Variants in WASF3 observed in about 807,000 individuals in gnomAD.
WASF3 encodes the protein WASP family member 3, also known as actin-binding protein WASF3.
In WASF3, 11 loss-of-function variants were observed where a neutral mutation model predicts 46.6. The observed-to-expected ratio is 0.24, with a 90% CI of 0.15 to 0.39. WASF3 has a LOEUF of 0.39. WASF3 is among the 10% of genes least tolerant of loss of function. WASF3 has a pLI of 1.00. For missense variants in WASF3, 576 were observed against 669.8 expected (o/e 0.86, Z 1.55); for synonymous variants, 242 against 259.7 (o/e 0.93, Z 0.65).
chr13:26,560,114 C>T (rs1015928440), intron 1 of WASF3, among the ~76,000 whole-genome samples: 4 of 151,994 alleles, frequency 2.6e-5, no homozygotes, highest in Non-Finnish European at 5.9e-5. Context: ...CCACCGCTCC[C>T]GGCCGAATCT....
intron 1 of WASF3, among the ~76,000 whole-genome samples, chr13:26,574,400 G>A (rs1332271027): frequency 6.6e-6 from 1 of 151,722 alleles, no homozygotes; most frequent in African/African-American, 2.4e-5. Flanking sequence ...AATGTATTCT[G>A]CATTGTGAAA....
At chr13:26,611,388 A>G (rs1036638847) in intron 1 of WASF3, among the ~76,000 whole-genome samples, 4 of 152,250 alleles carry the variant, frequency 2.6e-5, no homozygotes, top group African/African-American at 7.2e-5. Context: ...TAATAAGTCC[A>G]TAGCCTTTCA....
At chr13:26,582,676 CAAAAAA>C (rs398022033) in intron 1 of WASF3, among the ~76,000 whole-genome samples, 4 of 53,400 alleles carry the variant, frequency 7.5e-5, no homozygotes, top group Admixed American at 6.3e-4. Context: ...GACTCCGTCT[CAAAAAA>C]AAAAAAAAAA....
At chr13:26,656,739 G>A (rs775677988) in intron 3 of WASF3, among the ~76,000 whole-genome samples, 24 of 151,652 alleles carry the variant, frequency 1.6e-4, no homozygotes, top group Non-Finnish European at 2.8e-4. Context: ...TGTTTTCTCC[G>A]ATCTGTAACT....
At chr13:26,572,754 T>C (rs113262509) in intron 1 of WASF3, among the ~76,000 whole-genome samples, 2,819 of 152,236 alleles carry the variant, frequency 0.019, 84 homozygotes, top group African/African-American at 0.063. Context: ...GGTTTCACCA[T>C]GTTGGCCAGG....
At chr13:26,654,467 A>G (rs1170132546) in intron 3 of WASF3, among the ~76,000 whole-genome samples, 1 of 152,014 alleles carries the variant, frequency 6.6e-6, no homozygotes, top group Non-Finnish European at 1.5e-5. Flanking sequence ...TTGCTTGTTT[A>G]TTGTCTGTTT....
In WASF3 at chr13:26,681,215, C is replaced by A; in HGVS notation, c.878C>A (p.Ala293Glu). 6.2e-7 allele frequency: 1 copy of A among 1,614,002 alleles called. No homozygotes were observed. Among genetic ancestry groups the A allele is most frequent in the African/African-American group, 1.3e-5 (1 of 75,010 alleles). The change falls in exon 8 of 10, where the codon GCG becomes GAG. Residue 293 changes from alanine (A) to glutamate (E), a missense_variant. Transcript: ENST00000335327. The stretch of plus-strand genomic sequence containing the variant: ...GAGTACCGGCCCCCATCTGCCTCGG[C>A]GAGGCACATGGCCCTCAACAGACCT... ...EHEYRPPSAS[A>E]RHMALNRPQQ...
chr13:26,674,499 T>C (rs1883007053), intron 6 of WASF3, among the ~76,000 whole-genome samples: 2 of 152,180 alleles, frequency 1.3e-5, no homozygotes, highest in Admixed American at 6.5e-5. Flanking sequence ...CTAGCCACGG[T>C]TAACAGCTTG....
intron 1 of WASF3, among the ~76,000 whole-genome samples, chr13:26,565,709 T>C (rs1442030067): frequency 6.6e-6 from 1 of 152,218 alleles, no homozygotes; most frequent in East Asian, 1.9e-4. Flanking sequence ...AGAATGTGAA[T>C]TGTTCTTTGA....
At chr13:26,660,134 T>C (rs1882580834) in intron 3 of WASF3, among the ~76,000 whole-genome samples, 1 of 151,328 alleles carries the variant, frequency 6.6e-6, no homozygotes, top group Admixed American at 6.6e-5. Context: ...AGTGGAGTTT[T>C]TGGAAATATT....
chr13:26,603,101 A>G (rs1566047733), intron 1 of WASF3, among the ~76,000 whole-genome samples: 1 of 152,176 alleles, frequency 6.6e-6, no homozygotes, highest in Non-Finnish European at 1.5e-5. Context: ...CCTCTGTTAA[A>G]TTTGTCTTTC....
At chr13:26,671,361 C>T (rs910055591) in intron 5 of WASF3, among the ~76,000 whole-genome samples, 2 of 152,152 alleles carry the variant, frequency 1.3e-5, no homozygotes, top group African/African-American at 2.4e-5. Context: ...TACATTGATG[C>T]CCCATAAACA....
chr13:26,621,104 A>G (rs760216342), intron 2 of WASF3, among the ~76,000 whole-genome samples: 1 of 152,130 alleles, frequency 6.6e-6, no homozygotes, highest in African/African-American at 2.4e-5. Flanking sequence ...ATGCCGTGTC[A>G]TCTCCCATTC....
At chr13:26,569,382 G>A (rs1029690956) in intron 1 of WASF3, among the ~76,000 whole-genome samples, 6 of 152,132 alleles carry the variant, frequency 3.9e-5, no homozygotes, top group East Asian at 1.9e-4. Flanking sequence ...GATTGAATTC[G>A]AACAGAGTGT....
At chr13:26,675,345 C>T (rs750819604) in intron 6 of WASF3, among the ~76,000 whole-genome samples, 1 of 151,976 alleles carries the variant, frequency 6.6e-6, no homozygotes, top group Non-Finnish European at 1.5e-5. Context: ...CTCCCCAGAG[C>T]TCTCACACAG....
At chr13:26,662,765 G>A (rs1298755855) in intron 3 of WASF3, among the ~76,000 whole-genome samples, 2 of 152,132 alleles carry the variant, frequency 1.3e-5, no homozygotes, top group African/African-American at 2.4e-5. Context: ...CCCATGTAAC[G>A]AACCTGCACA....
intron 1 of WASF3, among the ~76,000 whole-genome samples, chr13:26,575,519 A>G (rs942917796): frequency 1.3e-5 from 2 of 152,172 alleles, no homozygotes; most frequent in Non-Finnish European, 2.9e-5. Context: ...TAGTTGTATA[A>G]TGTTCTTGGC....
intron 1 of WASF3, among the ~76,000 whole-genome samples, chr13:26,569,108 A>G (rs1879557798): frequency 6.6e-6 from 1 of 152,240 alleles, no homozygotes; most frequent in South Asian, 2.1e-4. Flanking sequence ...TAGATCATCT[A>G]GAGAGAATTT....
rs200722414 is a variant in WASF3 at position 26,682,607 on chromosome 13, G to A, written c.984G>A (p.Gly328=). The part of the protein sequence containing the change: ...ASAPMAPADY[G]MLPAQIIEYY... The stretch of plus-strand genomic sequence containing the variant: ...ACTATGTGCCTCATATCTCTCTCAG[G>A]ATGCTCCCAGCGCAGATAATTGAGT... The change falls in exon 9 of 10, where the codon GGG becomes GGA. Residue 328 remains glycine, a splice_region_variant and synonymous_variant. Coordinates refer to ENST00000335327, the MANE Select transcript of WASF3 (RefSeq NM_006646.6). The surrounding 1 kb of genome is among the most constrained non-coding windows in gnomAD (Gnocchi z 4.4). 3.5e-5 allele frequency: 57 copies of A among 1,613,926 alleles called. No individual in the cohort carries two copies. The highest frequency in any genetic ancestry group is 4.8e-5 in the Non-Finnish European group (57 of 1,180,018).
Sources: allele counts gnomAD v4.1 joint callset (sites outside exome capture counted in the v4.1 genomes callset), GRCh38; gene constraint gnomAD v4.1.1; non-coding constraint Gnocchi (gnomAD v3.1); transcripts MANE v1.5; gene names NCBI Gene and HGNC (gene_info 2026-07-23, HGNC 2026-07-21).